The following SLIT3 variants were observed in gnomAD, a reference collection of about 807,000 sequenced individuals.
SLIT3 encodes the protein slit homolog 3 protein.
A neutral mutation model predicts 184.0 loss-of-function variants in SLIT3; 68 were observed. That is an observed-to-expected ratio of 0.37 (90% CI 0.30 to 0.45). The LOEUF (loss-of-function observed/expected upper bound fraction) is 0.45, where lower values mean the gene tolerates loss of function less well. SLIT3 is among the 20% of genes least tolerant of loss of function. The probability of loss-of-function intolerance (pLI) is 1.00; values close to 1 mark genes in which losing one functional copy is unlikely to be tolerated. For synonymous variants in SLIT3, 831 were observed against 828.6 expected (o/e 1.00, Z -0.05); for missense variants, 1,707 against 2,026.0 (o/e 0.84, Z 3.02).
At chr5:168,787,806 G>A (rs980325309) in intron 11 of SLIT3, among the ~76,000 whole-genome samples, 2 of 151,986 alleles carry the variant, frequency 1.3e-5, no homozygotes, top group South Asian at 2.1e-4. Flanking sequence ...AAGGGGTAAA[G>A]GCTCTCCAGC....
intron 4 of SLIT3, among the ~76,000 whole-genome samples, chr5:169,087,035 TAGCCAGCAATAAG>T (rs1759328052): frequency 6.6e-6 from 1 of 152,212 alleles, no homozygotes; most frequent in Admixed American, 6.5e-5. Flanking sequence ...AACTACTTAC[TAGCCAGCAATAAG>T]AGTCAGCAAT....
At chr5:169,199,505 T>C (rs1763849670) in intron 3 of SLIT3, among the ~76,000 whole-genome samples, 3 of 152,150 alleles carry the variant, frequency 2.0e-5, no homozygotes, top group Admixed American at 2.0e-4. Context: ...ATCTCTCAAA[T>C]ATGTTTTGAC....
intron 14 of SLIT3, among the ~76,000 whole-genome samples, chr5:168,765,372 TC>T (rs1345425752): frequency 6.6e-6 from 1 of 152,150 alleles, no homozygotes; most frequent in Non-Finnish European, 1.5e-5. Context: ...CCAGCATTTT[TC>T]CCCCTGCTGT....
At chr5:168,861,643 C>T (rs35140226) in intron 5 of SLIT3, among the ~76,000 whole-genome samples, 32,227 of 152,088 alleles carry the variant, frequency 0.21, 3,720 homozygotes, top group East Asian at 0.28. Flanking sequence ...TCCATGACAA[C>T]GAACAATTCA....
At position 169,300,769 on chromosome 5, in the gene SLIT3, CGAG is replaced by C; in HGVS notation, c.-63_-61del. ...TCTGCGGGGCAAGACGCGTGGAGCC[CGAG>C]GAGGCGCGCGGGGAGCGCGGGCGGC... On this transcript the variant is annotated 5_prime_UTR_variant, in exon 1 of 36. Coordinates refer to ENST00000519560, the MANE Select transcript of SLIT3 (RefSeq NM_003062.4). The surrounding 1 kb of genome is among the most constrained non-coding windows in gnomAD (Gnocchi z 4.1). 8.0e-7 allele frequency: 1 copy of C among 1,251,494 alleles called. No individual in the cohort carries two copies. The highest frequency in any genetic ancestry group is 1.0e-6 in the Non-Finnish European group (1 of 1,000,468). 77.5% of individuals were successfully genotyped at this position (1,251,494 alleles called of 1,614,324 possible).
intron 4 of SLIT3, among the ~76,000 whole-genome samples, chr5:169,008,677 T>C (rs984681572): frequency 2.0e-5 from 3 of 152,182 alleles, no homozygotes; most frequent in African/African-American, 7.2e-5. Flanking sequence ...AACTTTTTAA[T>C]AAAAATAGAG....
intron 4 of SLIT3, among the ~76,000 whole-genome samples, chr5:169,066,941 T>TG (rs887261859): frequency 1.0e-5 from 1 of 100,138 alleles, no homozygotes; most frequent in South Asian, 2.9e-4. Context: ...ATCCCTTTCC[T>TG]GAAAAAAAAA....
chr5:169,221,803 A>G (rs1764627290), intron 3 of SLIT3, among the ~76,000 whole-genome samples: 1 of 152,190 alleles, frequency 6.6e-6, no homozygotes, highest in Non-Finnish European at 1.5e-5. Flanking sequence ...TGCACACTTC[A>G]CTGAGAAGCT....
At chr5:169,004,124 A>C (rs934173086) in intron 4 of SLIT3, among the ~76,000 whole-genome samples, 1 of 152,122 alleles carries the variant, frequency 6.6e-6, no homozygotes, top group African/African-American at 2.4e-5. Flanking sequence ...CATTAATTGA[A>C]AGGACTTTTG....
intron 7 of SLIT3, among the ~76,000 whole-genome samples, chr5:168,820,397 T>C (rs982638183): frequency 6.6e-6 from 1 of 152,194 alleles, no homozygotes; most frequent in African/African-American, 2.4e-5. Flanking sequence ...CGGGTGGCAA[T>C]TTAACTCTGG....
intron 1 of SLIT3, among the ~76,000 whole-genome samples, chr5:169,262,905 C>G (rs1251999145): frequency 1.3e-5 from 2 of 152,102 alleles, no homozygotes; most frequent in African/African-American, 4.8e-5. Flanking sequence ...GAATTGTGTG[C>G]CTCAAAAGAT....
At chr5:169,187,110 G>GGTTTTTTT (rs1763371728) in intron 4 of SLIT3, among the ~76,000 whole-genome samples, 1 of 63,586 alleles carries the variant, frequency 1.6e-5, no homozygotes, top group African/African-American at 5.7e-5. Flanking sequence ...TGCAGCTATA[G>GGTTTTTTT]GTTTTTTTTT....
intron 4 of SLIT3, among the ~76,000 whole-genome samples, chr5:169,170,326 G>A (rs893173405): frequency 9.2e-5 from 14 of 152,104 alleles, no homozygotes; most frequent in Non-Finnish European, 1.9e-4. Flanking sequence ...ACAGAAGTCC[G>A]GAAGAGTCAT....
chr5:168,859,311 G>A (rs1048265528), intron 5 of SLIT3, among the ~76,000 whole-genome samples: 2 of 152,148 alleles, frequency 1.3e-5, no homozygotes, highest in African/African-American at 2.4e-5. Flanking sequence ...AGTGGGAATT[G>A]CGTGGCTGTC....
At chr5:169,015,381 T>C (rs1209412571) in intron 4 of SLIT3, among the ~76,000 whole-genome samples, 1 of 152,180 alleles carries the variant, frequency 6.6e-6, no homozygotes, top group Admixed American at 6.5e-5. Context: ...GAACTCTGTT[T>C]AGGGACAGTT....
chr5:169,231,628 C>T (rs1004673162), intron 3 of SLIT3, among the ~76,000 whole-genome samples: 3 of 152,260 alleles, frequency 2.0e-5, no homozygotes, highest in Admixed American at 1.3e-4. Flanking sequence ...GAGTATTTGG[C>T]TTATTTCCAG....
At chr5:168,960,154 G>A (rs543516256) in intron 4 of SLIT3, among the ~76,000 whole-genome samples, 1 of 152,296 alleles carries the variant, frequency 6.6e-6, no homozygotes, top group South Asian at 2.1e-4. Context: ...TTAAACTGTA[G>A]GAGGGCAGGG....
chr5:168,942,572 G>A (rs1343668497), intron 4 of SLIT3, among the ~76,000 whole-genome samples: 1 of 152,144 alleles, frequency 6.6e-6, no homozygotes, highest in Non-Finnish European at 1.5e-5. Context: ...TGCTTACACA[G>A]AAACCTCTCT....
intron 4 of SLIT3, among the ~76,000 whole-genome samples, chr5:168,980,412 C>A (rs1315993257): frequency 6.6e-6 from 1 of 152,190 alleles, no homozygotes. Flanking sequence ...CCAAAACCGT[C>A]CTACGAAGTA....
Sources: allele counts gnomAD v4.1 joint callset (sites outside exome capture counted in the v4.1 genomes callset), GRCh38; gene constraint gnomAD v4.1.1; non-coding constraint Gnocchi (gnomAD v3.1); transcripts MANE v1.5; gene names NCBI Gene and HGNC (gene_info 2026-07-23, HGNC 2026-07-21).